The following SIGLEC6 variants were observed in gnomAD, a reference collection of about 807,000 sequenced individuals.
SIGLEC6 encodes the protein sialic acid-binding Ig-like lectin 6.
Under a neutral mutation model 41.4 loss-of-function variants are expected in SIGLEC6, and 31 were observed. That is an observed-to-expected ratio of 0.75 (90% CI 0.56 to 1.01). SIGLEC6 has a LOEUF of 1.01. Among genes scored for constraint, SIGLEC6 ranks in the 50% least tolerant of loss-of-function variants. SIGLEC6 has a pLI of 0.00. For synonymous variants in SIGLEC6, 217 were observed against 231.0 expected, an observed-to-expected ratio of 0.94 and a Z score of 0.55; for missense variants, 555 against 558.6, an observed-to-expected ratio of 0.99 and a Z score of 0.06.
At chr19:51,526,260 C>A (rs1040263420) in intron 7 of SIGLEC6, among the ~76,000 whole-genome samples, 2 of 152,074 alleles carry the variant, frequency 1.3e-5, no homozygotes, top group Non-Finnish European at 2.9e-5. Context: ...AAGTCAAGAT[C>A]TGTAGCCAGC....
At position 51,519,167 on chromosome 19, in the gene SIGLEC6, T is replaced by C. The variant is rs963173774; in HGVS notation, c.*915A>G. 6.6e-6 allele frequency among the ~76,000 whole-genome samples: 1 copy of C among 151,698 alleles called. No homozygotes were observed. The highest frequency in any genetic ancestry group is 1.5e-5 in the Non-Finnish European group (1 of 67,930). ...AAAATTAGCCGGGTGTGGTGGTGGG[T>C]GCCTGTAGTCCCAGCTACTTGGGAG... On this transcript the variant is annotated 3_prime_UTR_variant, in exon 8 of 8. Transcript: ENST00000425629.
rs1462125379 is a variant in SIGLEC6 at position 51,518,317 on chromosome 19, G to A, written c.*1765C>T. On this transcript the variant is annotated 3_prime_UTR_variant, in exon 8 of 8. Transcript: ENST00000425629. ...AAAAAAGTCAGCTGTCAGTCTAATTGTGGTTTTTTGCTTGTTTGTTTGTTT... is the reference window on the plus strand; with the variant it reads ...AAAAAAGTCAGCTGTCAGTCTAATTATGGTTTTTTGCTTGTTTGTTTGTTT... Among the ~76,000 whole-genome samples the A allele has an allele frequency of 6.6e-6, 1 of 152,078 alleles. No homozygotes were observed. The highest frequency in any genetic ancestry group is 1.5e-5 in the Non-Finnish European group (1 of 68,004).
chr19:51,524,815 G>A (rs1487403985), intron 7 of SIGLEC6, among the ~76,000 whole-genome samples: 6 of 152,150 alleles, frequency 3.9e-5, no homozygotes, highest in Admixed American at 2.0e-4. Flanking sequence ...AACATGACCC[G>A]GAGAGCAGAG....
At position 51,529,599 on chromosome 19, in the gene SIGLEC6, G is replaced by A. The variant is rs185047650; in HGVS notation, c.1012+125C>T. ...TGGACTCTAAGCCTCCCAGAGGTAG[G>A]AGGGTCCCAGCAGTTGTGAGGGGTC... On this transcript the variant is annotated intron_variant, in intron 5 of 7. Coordinates refer to ENST00000425629, the MANE Select transcript of SIGLEC6 (RefSeq NM_001245.7). 1.1e-4 allele frequency: 141 copies of A among 1,232,650 alleles called. No homozygotes were observed. In the East Asian group the frequency reaches 2.5e-3, roughly 22 times the overall value. The allele number at this position is 1,232,650 out of a possible 1,614,324, so 76.4% of individuals were successfully genotyped here. A position where few individuals can be genotyped will look rare whatever the true frequency, so the allele number is the denominator to read the frequency against.
chr19:51,529,146 G>T (rs552427748), intron 5 of SIGLEC6, among the ~76,000 whole-genome samples: 49 of 152,290 alleles, frequency 3.2e-4, no homozygotes, highest in African/African-American at 1.1e-3. Context: ...CCAGAAGCCA[G>T]GGAAGGAGCA....
chr19:51,521,150 C>G (rs978836730), intron 7 of SIGLEC6, among the ~76,000 whole-genome samples: 18 of 152,282 alleles, frequency 1.2e-4, no homozygotes, highest in Admixed American at 9.8e-4. Context: ...ACCGGACGCC[C>G]TCTCCTGTAC....
intron 7 of SIGLEC6, among the ~76,000 whole-genome samples, chr19:51,525,284 G>A (rs756776009): frequency 5.9e-5 from 9 of 152,108 alleles, no homozygotes; most frequent in Non-Finnish European, 1.0e-4. Context: ...ACTTCTCTGG[G>A]ACAGGGCTCC....
intron 5 of SIGLEC6, chr19:51,529,323 C>T (rs897938533): frequency 3.4e-5 from 7 of 206,016 alleles, no homozygotes; most frequent in Non-Finnish European, 6.9e-5. Context: ...AGGACCCAGG[C>T]TTCTCTTCCC....
At chr19:51,530,285 G>T (rs527792110) in intron 4 of SIGLEC6, 152 bp downstream of exon 4, 15 of 749,464 alleles carry the variant, frequency 2.0e-5, no homozygotes, top group Non-Finnish European at 3.2e-5. Context: ...AGCTCCTGCC[G>T]AAGAGGCGAC....
At chr19:51,530,377 C>G in intron 4 of SIGLEC6, 60 bp downstream of exon 4, 3 of 1,469,154 alleles carry the variant, frequency 2.0e-6, no homozygotes, top group Non-Finnish European at 2.8e-6. Flanking sequence ...TATTGATCCC[C>G]GTTAGTCCCC....
intron 7 of SIGLEC6, among the ~76,000 whole-genome samples, chr19:51,526,960 G>T (rs1979329262): frequency 6.6e-6 from 1 of 152,166 alleles, no homozygotes; most frequent in African/African-American, 2.4e-5. Context: ...AGAGCCCAAA[G>T]ACTGGTTCTT....
chr19:51,530,946 C>T lies in SIGLEC6; in HGVS notation c.441G>A (p.Arg147=). ...GGGTCCCTGGGATGGAGATGTTGGG[C>T]CTGTGGGTCAGGGCTGGTGAGGAGA... ...LSVRVMALTH[R]PNISIPGTLE... Residue 147 remains arginine (R), a synonymous_variant, in exon 3 of 8, where the codon AGG becomes AGA. Transcript: ENST00000425629. 6.2e-7 allele frequency: 1 copy of T among 1,611,960 alleles called. No homozygotes were observed. Among genetic ancestry groups the T allele is most frequent in the Non-Finnish European group, 8.5e-7 (1 of 1,179,904 alleles).
Position 51,529,982 on chromosome 19 carries a change from C to T in SIGLEC6, c.755-1G>A. 5 of 1,583,834 alleles carry T rather than the reference C, an allele frequency of 3.2e-6. No individual in the cohort carries two copies. Among genetic ancestry groups the T allele is most frequent in the East Asian group, 4.5e-5 (2 of 44,620 alleles). On this transcript the variant is annotated splice_acceptor_variant, in intron 4 of 7. Transcript: ENST00000425629. LOFTEE classifies it high-confidence loss of function. ...GAGGTGTTTTGCAGGATTTTGAAGGCTTTGGGGAGAGAGGTGTAGAGAGTT... is the reference window on the plus strand; with the variant it reads ...GAGGTGTTTTGCAGGATTTTGAAGGTTTTGGGGAGAGAGGTGTAGAGAGTT...
intron 7 of SIGLEC6, among the ~76,000 whole-genome samples, chr19:51,526,766 A>C (rs1206674345): frequency 6.6e-6 from 1 of 152,248 alleles, no homozygotes. Context: ...ATTCAGGAGA[A>C]AGTAGAAACC....
Position 51,517,938 on chromosome 19 carries a change from G to T in SIGLEC6, c.*2144C>A, listed in dbSNP as rs1247822863. Reference sequence around the variant, plus strand: ...ATAGTTTCTGGGCTATATAATATTGGTATTTCAATATTACATTTGATGTTT... The same window carrying T: ...ATAGTTTCTGGGCTATATAATATTGTTATTTCAATATTACATTTGATGTTT... On this transcript the variant is annotated 3_prime_UTR_variant, in exon 8 of 8. Transcript: ENST00000425629. Among the ~76,000 whole-genome samples, 1 of 151,866 alleles carries T rather than the reference G, an allele frequency of 6.6e-6. No homozygotes were observed. Among genetic ancestry groups the T allele is most frequent in the African/African-American group, 2.4e-5 (1 of 41,328 alleles).
Position 51,529,793 on chromosome 19 carries a change from C to T in SIGLEC6, c.943G>A (p.Gly315Arg), listed in dbSNP as rs1979900779. ...TGCTGAGCACGGCAGGTGAAATCTC[C>T]TTCTTCTGCAGACCCTACTTGAGGC... Reference protein sequence around the residue: ...ELPQVGSAEEGDFTCRAQHPL... With the variant: ...ELPQVGSAEERDFTCRAQHPL... Residue 315 changes from glycine (G) to arginine (R), a missense_variant, in exon 5 of 8, where the codon GGA becomes AGA. Coordinates refer to ENST00000425629, the MANE Select transcript of SIGLEC6 (RefSeq NM_001245.7). 6.2e-7 allele frequency: 1 copy of T among 1,614,152 alleles called. No homozygotes were observed. The highest frequency in any genetic ancestry group is 8.5e-7 in the Non-Finnish European group (1 of 1,180,022).
intron 3 of SIGLEC6, 80 bp downstream of exon 3, chr19:51,530,601 C>A (rs1980105228): frequency 1.9e-6 from 3 of 1,606,314 alleles, no homozygotes; most frequent in Non-Finnish European, 2.6e-6. Flanking sequence ...GCAACCAGGT[C>A]CCCAACTTTA....
rs1225654365 is a variant in SIGLEC6, at chr19:51,529,831, C to A, written c.905G>T (p.Gly302Val). 1 of 1,614,128 alleles carries A rather than the reference C, an allele frequency of 6.2e-7. No homozygotes were observed. The highest frequency in any genetic ancestry group is 8.5e-7 in the Non-Finnish European group (1 of 1,180,020). Reference protein sequence around the residue: ...ALNATPISNTGVLELPQVGSA... With the variant: ...ALNATPISNTVVLELPQVGSA... ...CCCTACTTGAGGCAGCTCCAGGACCCCGGTATTGGAGATGGGGGTGGCGTT... is the reference window on the plus strand; with the variant it reads ...CCCTACTTGAGGCAGCTCCAGGACCACGGTATTGGAGATGGGGGTGGCGTT... The change falls in exon 5 of 8, where the codon GGG becomes GTG. Residue 302 changes from glycine (G) to valine (V), a missense_variant. By Grantham distance (109) the Gly-to-Val change is moderately radical. Transcript: ENST00000425629.
rs1202229563 is a variant in SIGLEC6, at chr19:51,520,003, T to A, written c.*79A>T. 1.6e-6 allele frequency: 2 copies of A among 1,238,156 alleles called. No homozygotes were observed. The highest frequency in any genetic ancestry group is 4.9e-5 in the East Asian group (2 of 40,536). 76.7% of individuals were successfully genotyped at this position (1,238,156 alleles called of 1,614,324 possible). On this transcript the variant is annotated 3_prime_UTR_variant, in exon 8 of 8. Coordinates refer to ENST00000425629, the MANE Select transcript of SIGLEC6 (RefSeq NM_001245.7). Reference sequence around the variant, plus strand: ...TTATGTCACTCGGTTTGTGGTACATTGCTGTGGCAGCCCTAGTAACCAATA... The same window carrying A: ...TTATGTCACTCGGTTTGTGGTACATAGCTGTGGCAGCCCTAGTAACCAATA...
Sources: gnomAD v4.1 joint callset for allele counts (sites outside exome capture counted in the v4.1 genomes callset) on GRCh38, gnomAD v4.1.1 for gene constraint, MANE v1.5 for transcripts, NCBI Gene and HGNC (gene_info 2026-07-23, HGNC 2026-07-21) for gene names.